The following ANKRD36C variants were observed in gnomAD, a reference collection of about 807,000 sequenced individuals.
ANKRD36C encodes the protein ankyrin repeat domain 36C, also known as ankyrin repeat domain-containing protein 36C.
ANKRD36C carries 61 observed loss-of-function variants against 276.4 expected under a neutral mutation model. That is an observed-to-expected ratio of 0.22 (90% CI 0.18 to 0.27). ANKRD36C has a LOEUF of 0.27. ANKRD36C is among the 10% of genes least tolerant of loss of function. ANKRD36C has a pLI of 1.00. For missense variants in ANKRD36C, 1,447 were observed against 2,032.3 expected (o/e 0.71, Z 5.54); for synonymous variants, 483 against 680.1 (o/e 0.71, Z 4.51).
chr2:95,857,119 C>G (rs1005124960), intron 62 of ANKRD36C, among the ~76,000 whole-genome samples, 190 bp downstream of exon 82: 4 of 151,744 alleles, frequency 2.6e-5, no homozygotes, highest in Non-Finnish European at 5.9e-5. Context: ...TTCAAAAGGC[C>G]TTTGAACTAA....
At chr2:95,939,538 T>C (rs1315137056) in intron 20 of ANKRD36C, among the ~76,000 whole-genome samples, 3 of 152,254 alleles carry the variant, frequency 2.0e-5, no homozygotes, top group Middle Eastern at 3.4e-3. Flanking sequence ...ACCCCGTCTC[T>C]ACTAAAAATG....
At chr2:95,970,982 T>C (rs575217303) in intron 6 of ANKRD36C, among the ~76,000 whole-genome samples, 2 of 152,126 alleles carry the variant, frequency 1.3e-5, no homozygotes, top group Non-Finnish European at 2.9e-5. Context: ...TTTCAACATG[T>C]AAAGCATATG....
intron 64 of ANKRD36C, 113 bp from the exon 85 acceptor site, chr2:95,852,309 T>C (rs909068344): frequency 2.4e-6 from 2 of 849,088 alleles, no homozygotes; most frequent in Admixed American, 5.5e-5. Context: ...GAATCTTTTT[T>C]ATTTATAAAA....
chr2:95,851,916 C>T, intron 65 of ANKRD36C, 129 bp from the exon 86 acceptor site: 2 of 1,105,534 alleles, frequency 1.8e-6, no homozygotes, highest in Non-Finnish European at 2.6e-6. Flanking sequence ...GATTGGGCTA[C>T]TGTGTCATTT....
chr2:95,895,114 C>T (rs1180322881), intron 44 of ANKRD36C, among the ~76,000 whole-genome samples: 2 of 147,812 alleles, frequency 1.4e-5, no homozygotes, highest in African/African-American at 2.5e-5. Flanking sequence ...AAAGATGCTC[C>T]AGAAATAAAG....
Position 95,923,475 on chromosome 2 carries a change from A to C in ANKRD36C, c.2143+20T>G. The C allele has an allele frequency of 6.2e-7, 1 of 1,609,298 alleles. No individual in the cohort carries two copies. The highest frequency in any genetic ancestry group is 8.5e-7 in the Non-Finnish European group (1 of 1,177,078). On this transcript the variant is annotated intron_variant, in intron 32 of 66. Coordinates refer to ENST00000456556, the Ensembl canonical transcript of ANKRD36C. The stretch of plus-strand genomic sequence containing the variant: ...TCTATCTGGACTGAACATGACATTT[A>C]ATGTGTTTTGCAAAATTACCTGTCC...
intron 17 of ANKRD36C, among the ~76,000 whole-genome samples, chr2:95,946,169 A>AAAAAAAAAAC (rs1678043489): frequency 6.6e-6 from 1 of 150,394 alleles, no homozygotes. Flanking sequence ...AAAAAAAAAA[A>AAAAAAAAAAC]AAAAAAAAAC....
intron 17 of ANKRD36C, among the ~76,000 whole-genome samples, chr2:95,946,464 T>G (rs1573792622): frequency 7.0e-6 from 1 of 142,670 alleles, no homozygotes; most frequent in Non-Finnish European, 1.5e-5. Context: ...TTGGTGGGAC[T>G]GTAAACTAGT....
chr2:95,963,958 AATATATATATATAAAT>A (rs1678518775), intron 6 of ANKRD36C, among the ~76,000 whole-genome samples: 1 of 63,596 alleles, frequency 1.6e-5, no homozygotes, highest in Non-Finnish European at 3.1e-5. Context: ...TATATATATA[AATATATATATATAAAT>A]ATATATATAT....
At chr2:95,925,267 A>G (rs1677372469) in intron 30 of ANKRD36C, 85 bp downstream of exon 30, 1 of 1,531,522 alleles carries the variant, frequency 6.5e-7, no homozygotes, top group South Asian at 1.2e-5. Context: ...TGCATTTTCA[A>G]TGACACTCCA....
chr2:95,951,238 A>G, intron 15 of ANKRD36C, 110 bp downstream of exon 15: 2 of 943,406 alleles, frequency 2.1e-6, no homozygotes, highest in Non-Finnish European at 3.2e-6. Flanking sequence ...ACAGCACTGC[A>G]CTCCAGCCTG....
At chr2:95,944,579 C>A in intron 19 of ANKRD36C, 48 bp downstream of exon 19, 4 of 1,502,428 alleles carry the variant, frequency 2.7e-6, no homozygotes, top group Non-Finnish European at 3.6e-6. Context: ...GTGAACAGGA[C>A]TGGACTCTGA....
chr2:95,889,814 G>C, exon 48 of ANKRD36C: 1 of 1,592,628 alleles, frequency 6.3e-7, no homozygotes, highest in Non-Finnish European at 8.6e-7. Flanking sequence ...CCAGATATTT[G>C]TTCATCCTTT....
At chr2:95,950,632 A>T in intron 16 of ANKRD36C, 117 bp downstream of exon 16, 1 of 1,259,666 alleles carries the variant, frequency 7.9e-7, no homozygotes, top group Non-Finnish European at 1.1e-6. Flanking sequence ...TGACATGACA[A>T]ATGTTAAGCA....
At chr2:95,886,275 A>T in intron 50 of ANKRD36C, 31 bp from the exon 71 acceptor site, 1 of 1,298,026 alleles carries the variant, frequency 7.7e-7, no homozygotes, top group East Asian at 2.5e-5. Flanking sequence ...ATAATCACTC[A>T]TATGTGCATA....
downstream of ANKRD36C, among the ~76,000 whole-genome samples, chr2:95,850,969 G>C (rs1675280584): frequency 1.3e-5 from 2 of 152,170 alleles, no homozygotes; most frequent in Admixed American, 1.3e-4. Context: ...TATGGAACAT[G>C]ATGAATTAAC....
chr2:95,874,901 T>C (rs1455002838), intron 59 of ANKRD36C, among the ~76,000 whole-genome samples: 4 of 152,194 alleles, frequency 2.6e-5, no homozygotes, highest in Non-Finnish European at 4.4e-5. Flanking sequence ...AAAGAAGACA[T>C]TTATGCAGCC....
intron 17 of ANKRD36C, among the ~76,000 whole-genome samples, chr2:95,946,560 A>G (rs1386410823): frequency 6.9e-6 from 1 of 145,160 alleles, no homozygotes; most frequent in Non-Finnish European, 1.5e-5. Context: ...ATTACTGGGT[A>G]TATACCCAAA....
chr2:95,889,623 A>G (rs1676286200), intron 48 of ANKRD36C, among the ~76,000 whole-genome samples, 176 bp downstream of exon 68: 1 of 151,562 alleles, frequency 6.6e-6, no homozygotes, highest in Non-Finnish European at 1.5e-5. Flanking sequence ...TAGTACTTTC[A>G]TCATGGCCAA....
Sources: gnomAD v4.1 joint callset for allele counts (sites outside exome capture counted in the v4.1 genomes callset) on GRCh38, gnomAD v4.1.1 for gene constraint, MANE v1.5 for transcripts, NCBI Gene and HGNC (gene_info 2026-07-23, HGNC 2026-07-21) for gene names.